Variants in PRPSAP2 observed in about 807,000 individuals in gnomAD.
PRPSAP2 encodes the protein phosphoribosyl pyrophosphate synthase-associated protein 2.
Under a neutral mutation model 40.6 loss-of-function variants are expected in PRPSAP2, and 24 were observed. The ratio of observed to expected loss-of-function variants is 0.59; its 90% CI spans 0.43 to 0.83. The LOEUF (loss-of-function observed/expected upper bound fraction) is 0.83, where lower values mean the gene tolerates loss of function less well. Among genes scored for constraint, PRPSAP2 ranks in the 40% least tolerant of loss-of-function variants. The probability of loss-of-function intolerance (pLI) is 0.00; values close to 1 mark genes in which losing one functional copy is unlikely to be tolerated. For missense variants in PRPSAP2, 292 were observed against 465.6 expected (o/e 0.63, Z 3.43); for synonymous variants, 149 against 164.7 (o/e 0.90, Z 0.73).
intron 5 of PRPSAP2, 118 bp downstream of exon 5, chr17:18,872,767 C>A: frequency 1.3e-6 from 1 of 749,506 alleles, no homozygotes; most frequent in Admixed American, 2.8e-5. Flanking sequence ...TATATCTTAC[C>A]AATTTAGAAT....
chr17:18,900,467 T>C (rs1186630422), intron 8 of PRPSAP2, among the ~76,000 whole-genome samples: 1 of 152,242 alleles, frequency 6.6e-6, no homozygotes, highest in African/African-American at 2.4e-5. Flanking sequence ...AGTTTCAGCA[T>C]GTCTGTCATC....
chr17:18,887,078 A>T (rs1223896522), intron 7 of PRPSAP2, among the ~76,000 whole-genome samples: 1 of 151,392 alleles, frequency 6.6e-6, no homozygotes, highest in East Asian at 1.9e-4. Context: ...CTGGGATTAC[A>T]GGCATGGGCC....
At chr17:18,874,709 C>CCTG (rs2151898183) in intron 5 of PRPSAP2, among the ~76,000 whole-genome samples, 1 of 152,318 alleles carries the variant, frequency 6.6e-6, no homozygotes, top group East Asian at 1.9e-4. Flanking sequence ...GCCAACTGCC[C>CCTG]CTGCTGCTGC....
At chr17:18,893,991 G>A (rs993218043) in intron 8 of PRPSAP2, among the ~76,000 whole-genome samples, 1 of 152,022 alleles carries the variant, frequency 6.6e-6, no homozygotes, top group Non-Finnish European at 1.5e-5. Flanking sequence ...CCAAGTAGCT[G>A]GGATTACAGG....
At chr17:18,862,408 C>T (rs2037090933) in intron 1 of PRPSAP2, among the ~76,000 whole-genome samples, 1 of 152,100 alleles carries the variant, frequency 6.6e-6, no homozygotes, top group Non-Finnish European at 1.5e-5. Flanking sequence ...ATCAGGAATC[C>T]TGCTGTACTT....
chr17:18,889,759 G>T, intron 7 of PRPSAP2, 63 bp from the exon 8 acceptor site: 3 of 1,308,422 alleles, frequency 2.3e-6, no homozygotes, highest in Non-Finnish European at 2.1e-6. Context: ...AAGCATTTTT[G>T]GGTCTGTTGG....
At chr17:18,861,464 TAAAAAAAA>T (rs5819659) in intron 1 of PRPSAP2, 1 of 138,922 alleles carries the variant, frequency 7.2e-6, no homozygotes, top group Non-Finnish European at 1.5e-5. Flanking sequence ...AACTCCATCT[TAAAAAAAA>T]AAAAAAGAAA....
chr17:18,892,593 CTTTT>C (rs950601250), intron 8 of PRPSAP2, among the ~76,000 whole-genome samples: 9 of 131,218 alleles, frequency 6.9e-5, no homozygotes, highest in Non-Finnish European at 1.5e-4. Flanking sequence ...TGTTGAGTAT[CTTTT>C]TTTTTTTTTT....
At chr17:18,875,377 A>G (rs2038206634) in intron 5 of PRPSAP2, among the ~76,000 whole-genome samples, 1 of 152,112 alleles carries the variant, frequency 6.6e-6, no homozygotes, top group African/African-American at 2.4e-5. Flanking sequence ...CAGCCAGGCC[A>G]ACACGGTGAA....
intron 8 of PRPSAP2, among the ~76,000 whole-genome samples, chr17:18,897,293 C>T (rs2039965792): frequency 6.6e-6 from 1 of 152,108 alleles, no homozygotes; most frequent in Non-Finnish European, 1.5e-5. Flanking sequence ...AGCTGTTTTT[C>T]TTAAACACTC....
chr17:18,860,824 CTTCA>C (rs2036951659), intron 1 of PRPSAP2: 2 of 152,174 alleles, frequency 1.3e-5, no homozygotes, highest in Admixed American at 6.6e-5. Context: ...AGTGTGGTTT[CTTCA>C]TTCATGAGAC....
At chr17:18,868,820 G>A (rs1040010419) in intron 4 of PRPSAP2, among the ~76,000 whole-genome samples, 2 of 150,960 alleles carry the variant, frequency 1.3e-5, no homozygotes. Context: ...GCCCCCCAAA[G>A]TGCTAGGATT....
chr17:18,883,999 T>C (rs918778109), intron 7 of PRPSAP2, among the ~76,000 whole-genome samples: 1 of 152,172 alleles, frequency 6.6e-6, no homozygotes, highest in Non-Finnish European at 1.5e-5. Flanking sequence ...CCAGGCGCAG[T>C]GGCTCACGCC....
chr17:18,906,206 G>A (rs1419407060), intron 8 of PRPSAP2, among the ~76,000 whole-genome samples: 1 of 151,778 alleles, frequency 6.6e-6, no homozygotes, highest in Admixed American at 6.6e-5. Context: ...GTCTGAGATT[G>A]TTTGTTTGTT....
At chr17:18,905,775 G>T (rs2040549334) in intron 8 of PRPSAP2, among the ~76,000 whole-genome samples, 1 of 152,078 alleles carries the variant, frequency 6.6e-6, no homozygotes, top group Non-Finnish European at 1.5e-5. Flanking sequence ...TAAAGACAGG[G>T]TTTCTCCATG....
In PRPSAP2 at chr17:18,882,698, A is replaced by G. The variant is rs368194715; in HGVS notation, c.528+15A>G. On this transcript the variant is annotated intron_variant, in intron 7 of 11. Coordinates refer to ENST00000268835, the MANE Select transcript of PRPSAP2 (RefSeq NM_002767.4). ...TTCAAGAAGAGGTGAGCTAGCTCAA[A>G]CTTTTTTATTTTAACATTCTGATTA... 6.8e-7 allele frequency: 1 copy of G among 1,477,020 alleles called. No homozygotes were observed. Among genetic ancestry groups the G allele is most frequent in the Non-Finnish European group, 9.4e-7 (1 of 1,059,798 alleles). The allele number at this position is 1,477,020 out of a possible 1,614,324, so 91.5% of individuals were successfully genotyped here.
chr17:18,867,159 A>G (rs1351710639), intron 3 of PRPSAP2, 123 bp from the exon 4 acceptor site: 2 of 1,043,470 alleles, frequency 1.9e-6, no homozygotes, highest in African/African-American at 1.6e-5. Context: ...TTGACTTTAA[A>G]TTTTATAAGA....
chr17:18,901,118 T>A (rs2040242381), intron 8 of PRPSAP2, among the ~76,000 whole-genome samples: 1 of 152,210 alleles, frequency 6.6e-6, no homozygotes, highest in Non-Finnish European at 1.5e-5. Flanking sequence ...GTGGCTTTCC[T>A]GCCTGTGTGG....
At chr17:18,928,622 G>A (rs1457932256) in intron 10 of PRPSAP2, 189 bp from the exon 11 acceptor site, 8 of 642,218 alleles carry the variant, frequency 1.2e-5, no homozygotes, top group East Asian at 6.5e-5. Flanking sequence ...GAAGAGGCTC[G>A]TGTGAAAGTA....
Sources: allele counts gnomAD v4.1 joint callset (sites outside exome capture counted in the v4.1 genomes callset), GRCh38; gene constraint gnomAD v4.1.1; transcripts MANE v1.5; gene names NCBI Gene and HGNC (gene_info 2026-07-23, HGNC 2026-07-21).